The following PRELID2 variants were observed in gnomAD, a reference collection of about 807,000 sequenced individuals.
PRELID2 encodes PRELI domain containing 2.
A neutral mutation model predicts 28.4 loss-of-function variants in PRELID2; 25 were observed. The ratio of observed to expected loss-of-function variants is 0.88; its 90% CI spans 0.64 to 1.23. The LOEUF (loss-of-function observed/expected upper bound fraction) is 1.23. Ranked by LOEUF, PRELID2 falls within the 50% of genes most tolerant of loss-of-function variation. The probability of loss-of-function intolerance (pLI) is 0.00; values close to 1 mark genes in which losing one functional copy is unlikely to be tolerated. For missense variants in PRELID2, 201 were observed against 214.4 expected (o/e 0.94, Z 0.39); for synonymous variants, 76 against 71.6 (o/e 1.06, Z -0.31).
At chr5:145,233,445 T>G in the PRELID2 span, among the ~76,000 whole-genome samples, 1 of 152,198 alleles carries the variant, frequency 6.6e-6, no homozygotes, top group East Asian at 1.9e-4. Context: ...ATGAGGCTAT[T>G]GATACTGCCA....
downstream of PRELID2, among the ~76,000 whole-genome samples, chr5:145,751,468 AT>A (rs1483779685): frequency 6.6e-6 from 1 of 152,202 alleles, no homozygotes; most frequent in Non-Finnish European, 1.5e-5. Flanking sequence ...ACCATATGCA[AT>A]TGCCATTCTT....
At chr5:145,590,416 ATTT>A (rs1289041162) in intron 1 of PRELID2, among the ~76,000 whole-genome samples, 1 of 151,978 alleles carries the variant, frequency 6.6e-6, no homozygotes, top group Admixed American at 6.6e-5. Context: ...GTGTTTGCTT[ATTT>A]ATTTATTTAT....
chr5:145,600,210 T>C (rs1196407302), intron 1 of PRELID2, among the ~76,000 whole-genome samples: 1 of 148,796 alleles, frequency 6.7e-6, no homozygotes, highest in African/African-American at 2.5e-5. Flanking sequence ...TGAAGTAGAA[T>C]TAAACATTTT....
At chr5:145,396,674 C>G in the PRELID2 span, among the ~76,000 whole-genome samples, 7 of 152,166 alleles carry the variant, frequency 4.6e-5, no homozygotes, top group Non-Finnish European at 7.4e-5. Flanking sequence ...ATACTTCACC[C>G]TAATTTCTGA....
the PRELID2 span, among the ~76,000 whole-genome samples, chr5:145,274,024 T>A: frequency 6.6e-6 from 1 of 152,170 alleles, no homozygotes; most frequent in African/African-American, 2.4e-5. Context: ...AGGTAGGGCC[T>A]GGCAGGATTG....
chr5:145,774,331 G>A lies in PRELID2; in HGVS notation c.475-9331C>T, dbSNP rs145615314. Among the ~76,000 whole-genome samples, 32 of 152,296 alleles carry A rather than the reference G, an allele frequency of 2.1e-4. No homozygotes were observed. The East Asian group carries it at 6.0e-3, about 29-fold the overall frequency. ...GGATTTCTCCACCTCATTCCACAACGAGTGCTTACTTACCTCACTGAATGT... is the reference window on the plus strand; with the variant it reads ...GGATTTCTCCACCTCATTCCACAACAAGTGCTTACTTACCTCACTGAATGT... On this transcript the variant is annotated intron_variant, in intron 5 of 6. Transcript: ENST00000683046.
chr5:145,296,269 C>A, the PRELID2 span, among the ~76,000 whole-genome samples: 10 of 151,578 alleles, frequency 6.6e-5, no homozygotes, highest in African/African-American at 9.7e-5. Flanking sequence ...TATACATGTG[C>A]CATGCTGGTG....
Position 145,705,077 on chromosome 5 carries a change from A to G in PRELID2, n.70+59854T>C, listed in dbSNP as rs79035975. ...ACTTGCAAGCTAAGAGTATTTATGAACATATAATGTCTAACTCACTCGGAG... is the reference window on the plus strand; with the variant it reads ...ACTTGCAAGCTAAGAGTATTTATGAGCATATAATGTCTAACTCACTCGGAG... On this transcript the variant is annotated intron_variant and non_coding_transcript_variant, in intron 1 of 2. Coordinates refer to the PRELID2 transcript ENST00000510259. Among the ~76,000 whole-genome samples, 1,064 of 152,318 alleles carry G rather than the reference A, an allele frequency of 7.0e-3. 20 individuals carry two copies. Among genetic ancestry groups the G allele is most frequent in the African/African-American group, 0.024 (1,005 of 41,558 alleles).
chr5:145,263,122 C>A, the PRELID2 span, among the ~76,000 whole-genome samples: 1 of 151,940 alleles, frequency 6.6e-6, no homozygotes, highest in Admixed American at 6.6e-5. Context: ...AAAACTCACC[C>A]AACAGGAAAA....
chr5:145,390,827 T>C, the PRELID2 span, among the ~76,000 whole-genome samples: 1 of 152,134 alleles, frequency 6.6e-6, no homozygotes, highest in Non-Finnish European at 1.5e-5. Flanking sequence ...ACTTCCTAGA[T>C]ACAATGGAGC....
At chr5:145,507,702 A>T (rs559959672) in intron 1 of PRELID2, among the ~76,000 whole-genome samples, 1 of 152,180 alleles carries the variant, frequency 6.6e-6, no homozygotes, top group South Asian at 2.1e-4. Flanking sequence ...TTTCCACAAG[A>T]ATTGCTTCAA....
chr5:145,778,806 T>C (rs1446581606), intron 5 of PRELID2, among the ~76,000 whole-genome samples: 1 of 152,198 alleles, frequency 6.6e-6, no homozygotes, highest in Non-Finnish European at 1.5e-5. Context: ...CCAGGCCGAC[T>C]GGGTGGAATG....
chr5:145,564,894 G>A lies in PRELID2; in HGVS notation n.71-91579C>T, dbSNP rs76179314. 2.4e-3 allele frequency among the ~76,000 whole-genome samples: 362 copies of A among 152,276 alleles called. 7 individuals carry two copies. The East Asian group carries it at 0.059, about 25-fold the overall frequency. On this transcript the variant is annotated intron_variant and non_coding_transcript_variant, in intron 1 of 2. Transcript: ENST00000510259. ...CCATTATGGCGTCCCTTGGCTAGAG[G>A]AGGGAGTTCCCCAACCCTTCAGGCT...
the PRELID2 span, among the ~76,000 whole-genome samples, chr5:145,431,583 G>C: frequency 6.6e-6 from 1 of 152,152 alleles, no homozygotes; most frequent in Non-Finnish European, 1.5e-5. Context: ...ATAGGATGCA[G>C]CAAGAAAGAC....
the PRELID2 span, among the ~76,000 whole-genome samples, chr5:145,351,342 G>A: frequency 2.0e-5 from 3 of 152,130 alleles, no homozygotes; most frequent in East Asian, 1.9e-4. Context: ...CATGGCAGAA[G>A]GGAAAGCAAA....
the PRELID2 span, among the ~76,000 whole-genome samples, chr5:145,457,677 A>G: frequency 6.6e-6 from 1 of 152,170 alleles, no homozygotes; most frequent in African/African-American, 2.4e-5. Context: ...GGACCAGAAG[A>G]GTGTCTCACT....
the PRELID2 span, among the ~76,000 whole-genome samples, chr5:145,363,302 T>C: frequency 3.3e-5 from 5 of 152,024 alleles, no homozygotes; most frequent in Admixed American, 1.3e-4. Context: ...CCCAAATAAA[T>C]GTATTAGTAT....
At chr5:145,650,169 C>G (rs565803430) in intron 1 of PRELID2, among the ~76,000 whole-genome samples, 1 of 149,990 alleles carries the variant, frequency 6.7e-6, no homozygotes, top group Non-Finnish European at 1.5e-5. Context: ...TACTAAGGAC[C>G]CTCTTCCCTA....
downstream of PRELID2, among the ~76,000 whole-genome samples, chr5:145,469,420 C>A (rs1035581092): frequency 5.3e-5 from 8 of 152,042 alleles, no homozygotes; most frequent in African/African-American, 1.9e-4. Context: ...ATCAGATCTT[C>A]TGATTGAGGC....
Sources: gnomAD v4.1 joint callset for allele counts (sites outside exome capture counted in the v4.1 genomes callset) on GRCh38, gnomAD v4.1.1 for gene constraint, MANE v1.5 for transcripts, NCBI Gene and HGNC (gene_info 2026-07-23, HGNC 2026-07-21) for gene names.